Variants in KHDRBS2 observed in about 807,000 individuals in gnomAD.
The protein encoded by KHDRBS2 is KH domain-containing, RNA-binding, signal transduction-associated protein 2.
KHDRBS2 carries 26 observed loss-of-function variants against 44.3 expected under a neutral mutation model. That is an observed-to-expected ratio of 0.59 (90% CI 0.43 to 0.81). The LOEUF is 0.81. Among genes scored for constraint, KHDRBS2 ranks in the 40% least tolerant of loss-of-function variants. KHDRBS2 has a pLI of 0.00. For missense variants in KHDRBS2, 476 were observed against 433.1 expected, an observed-to-expected ratio of 1.10 and a Z score of -0.88; for synonymous variants, 194 against 151.1, an observed-to-expected ratio of 1.28 and a Z score of -2.08.
chr6:61,734,303 C>G (rs1233085497), intron 6 of KHDRBS2, among the ~76,000 whole-genome samples: 2 of 151,926 alleles, frequency 1.3e-5, no homozygotes, highest in East Asian at 3.9e-4. Flanking sequence ...GTTCAATGTT[C>G]TAAAGTTAAT....
chr6:61,858,144 A>G (rs1796407140), intron 6 of KHDRBS2, among the ~76,000 whole-genome samples: 1 of 151,886 alleles, frequency 6.6e-6, no homozygotes, highest in Non-Finnish European at 1.5e-5. Flanking sequence ...GATACAACCA[A>G]ATGAGCACCT....
intron 3 of KHDRBS2, among the ~76,000 whole-genome samples, chr6:62,030,754 A>G (rs913503784): frequency 8.5e-5 from 13 of 152,252 alleles, no homozygotes; most frequent in Non-Finnish European, 1.9e-4. Flanking sequence ...AAGATTATAT[A>G]AATGTCCTTG....
chr6:61,596,840 C>A, the KHDRBS2 span, among the ~76,000 whole-genome samples: 1 of 151,862 alleles, frequency 6.6e-6, no homozygotes, highest in Non-Finnish European at 1.5e-5. Flanking sequence ...TTAGTAGAGA[C>A]GGAGTTTCCC....
At chr6:62,007,473 C>G (rs1465023998) in intron 3 of KHDRBS2, among the ~76,000 whole-genome samples, 2 of 151,608 alleles carry the variant, frequency 1.3e-5, no homozygotes, top group Admixed American at 6.6e-5. Context: ...ACTTCTCTGC[C>G]TAATCGGGTG....
At chr6:61,889,873 T>C (rs1196717239) in intron 6 of KHDRBS2, among the ~76,000 whole-genome samples, 35 of 152,174 alleles carry the variant, frequency 2.3e-4, no homozygotes, top group Admixed American at 2.2e-3. Flanking sequence ...CAGGTTCCAC[T>C]TCAGGGCATT....
the KHDRBS2 span, among the ~76,000 whole-genome samples, chr6:61,568,888 A>C: frequency 6.6e-6 from 1 of 152,204 alleles, no homozygotes; most frequent in East Asian, 1.9e-4. Flanking sequence ...ATTAGTAACA[A>C]TTTTGACTGA....
At chr6:61,951,322 C>G (rs1397564431) in intron 4 of KHDRBS2, among the ~76,000 whole-genome samples, 1 of 151,972 alleles carries the variant, frequency 6.6e-6, no homozygotes, top group African/African-American at 2.4e-5. Flanking sequence ...CTTCATGTGA[C>G]TGTAAAGTGG....
chr6:62,127,862 G>A (rs566918299), intron 2 of KHDRBS2, among the ~76,000 whole-genome samples: 104 of 152,100 alleles, frequency 6.8e-4, no homozygotes, highest in African/African-American at 2.1e-3. Context: ...TGATCAATTC[G>A]TTGATCATCT....
chr6:62,266,617 A>G (rs1350152366), intron 1 of KHDRBS2, among the ~76,000 whole-genome samples: 2 of 151,928 alleles, frequency 1.3e-5, no homozygotes, highest in Non-Finnish European at 2.9e-5. Flanking sequence ...CTGCATTTCA[A>G]ATGATTTGTC....
the KHDRBS2 span, among the ~76,000 whole-genome samples, chr6:61,554,728 A>T: frequency 6.6e-6 from 1 of 152,154 alleles, no homozygotes. Context: ...GATAGCATTT[A>T]CTTGCCTGAA....
the KHDRBS2 span, among the ~76,000 whole-genome samples, chr6:61,555,747 A>G: frequency 6.6e-6 from 1 of 152,272 alleles, no homozygotes; most frequent in East Asian, 1.9e-4. Flanking sequence ...AGGTGGGTTC[A>G]GTTGACTGGC....
At chr6:61,766,835 A>C (rs149735954) in intron 6 of KHDRBS2, among the ~76,000 whole-genome samples, 1 of 152,198 alleles carries the variant, frequency 6.6e-6, no homozygotes, top group Non-Finnish European at 1.5e-5. Flanking sequence ...TACTAGAATG[A>C]TTTAATTTTA....
intron 8 of KHDRBS2, among the ~76,000 whole-genome samples, chr6:61,684,584 T>A (rs1766627708): frequency 6.6e-6 from 1 of 151,812 alleles, no homozygotes; most frequent in Admixed American, 6.6e-5. Flanking sequence ...AAAAACTCAT[T>A]GCATCCAGTG....
chr6:61,701,350 A>C (rs1335342075), intron 7 of KHDRBS2, among the ~76,000 whole-genome samples: 1 of 151,928 alleles, frequency 6.6e-6, no homozygotes, highest in African/African-American at 2.4e-5. Context: ...AAGGTTCAAA[A>C]ATTTGAGGCT....
intron 4 of KHDRBS2, among the ~76,000 whole-genome samples, chr6:61,921,563 T>A (rs980746904): frequency 8.6e-5 from 13 of 152,004 alleles, no homozygotes; most frequent in African/African-American, 2.4e-4. Flanking sequence ...AAATATAAAT[T>A]CTTTTAGAAG....
the KHDRBS2 span, among the ~76,000 whole-genome samples, chr6:61,660,860 T>C: frequency 2.6e-5 from 4 of 151,868 alleles, no homozygotes; most frequent in African/African-American, 7.2e-5. Flanking sequence ...CCATCATGTA[T>C]GGTGGATGAC....
At chr6:61,889,933 T>C (rs1801565076) in intron 6 of KHDRBS2, among the ~76,000 whole-genome samples, 1 of 152,208 alleles carries the variant, frequency 6.6e-6, no homozygotes, top group Non-Finnish European at 1.5e-5. Context: ...AAGCAGCCAA[T>C]TGGCCAAGAC....
chr6:62,117,510 T>C (rs1488263916), intron 2 of KHDRBS2, among the ~76,000 whole-genome samples: 1 of 152,136 alleles, frequency 6.6e-6, no homozygotes, highest in Non-Finnish European at 1.5e-5. Flanking sequence ...TGTTATTTTC[T>C]TGCTGGATGA....
intron 4 of KHDRBS2, among the ~76,000 whole-genome samples, chr6:61,941,906 G>T (rs1443084339): frequency 6.6e-6 from 1 of 152,032 alleles, no homozygotes; most frequent in African/African-American, 2.4e-5. Context: ...TCCAGCAAAA[G>T]ATCCTAATGA....
Sources: allele counts gnomAD v4.1 joint callset (sites outside exome capture counted in the v4.1 genomes callset), GRCh38; gene constraint gnomAD v4.1.1; transcripts MANE v1.5; gene names NCBI Gene and HGNC (gene_info 2026-07-23, HGNC 2026-07-21).